The following SUN5 variants were observed in gnomAD, a reference collection of about 807,000 sequenced individuals.
SUN5 encodes SUN domain-containing protein 5.
In SUN5, 44 loss-of-function variants were observed where a neutral mutation model predicts 53.7. That is an observed-to-expected ratio of 0.82 (90% CI 0.64 to 1.05). The LOEUF (loss-of-function observed/expected upper bound fraction) is 1.05. Ranked by LOEUF, SUN5 falls within the 50% of genes least tolerant of loss-of-function variation. The probability of loss-of-function intolerance (pLI) is 0.00; values close to 1 mark genes in which losing one functional copy is unlikely to be tolerated. For missense variants in SUN5, 433 were observed against 483.8 expected, an observed-to-expected ratio of 0.90 and a Z score of 0.98; for synonymous variants, 166 against 179.8, an observed-to-expected ratio of 0.92 and a Z score of 0.62.
intron 8 of SUN5, among the ~76,000 whole-genome samples, chr20:32,992,302 T>TCTCCCCTC (rs1989730404): frequency 6.6e-6 from 1 of 152,208 alleles, no homozygotes; most frequent in Admixed American, 6.5e-5. Flanking sequence ...GAACCACTGA[T>TCTCCCCTC]TTAGCAGAAA....
At chr20:33,003,963 A>C (rs1233406720) in intron 1 of SUN5, among the ~76,000 whole-genome samples, 1 of 152,252 alleles carries the variant, frequency 6.6e-6, no homozygotes, top group Non-Finnish European at 1.5e-5. Flanking sequence ...AGTCTCCTGC[A>C]CTAGACCGTG....
chr20:32,999,479 G>A (rs1989941860), intron 5 of SUN5, among the ~76,000 whole-genome samples: 1 of 152,094 alleles, frequency 6.6e-6, no homozygotes, highest in South Asian at 2.1e-4. Flanking sequence ...TGTAGTCCCA[G>A]CTACTCGGGA....
intron 5 of SUN5, among the ~76,000 whole-genome samples, chr20:32,998,897 T>C (rs1406137583): frequency 6.7e-6 from 1 of 148,508 alleles, no homozygotes; most frequent in Non-Finnish European, 1.5e-5. Flanking sequence ...TAGCTGGGGG[T>C]GATGGTGCAC....
chr20:33,001,738 G>A (rs1409986549), intron 3 of SUN5, among the ~76,000 whole-genome samples: 2 of 129,564 alleles, frequency 1.5e-5, no homozygotes, highest in African/African-American at 3.0e-5. Context: ...GCATGACCTC[G>A]GCTCACTGCA....
At chr20:33,003,763 A>C (rs1990115740) in intron 1 of SUN5, among the ~76,000 whole-genome samples, 1 of 152,166 alleles carries the variant, frequency 6.6e-6, no homozygotes, top group Admixed American at 6.5e-5. Context: ...AGAGGATGAA[A>C]GACATACATT....
At chr20:32,991,135 G>A (rs1989701083) in intron 8 of SUN5, among the ~76,000 whole-genome samples, 1 of 152,102 alleles carries the variant, frequency 6.6e-6, no homozygotes, top group African/African-American at 2.4e-5. Context: ...TTTCCCTGAT[G>A]GCCCCCACCC....
In SUN5 at chr20:32,996,374, G is replaced by A. The variant is rs753392058; in HGVS notation, c.391-16C>T. The A allele has an allele frequency of 6.2e-7, 1 of 1,611,226 alleles. No individual in the cohort carries two copies. The highest frequency in any genetic ancestry group is 8.5e-7 in the Non-Finnish European group (1 of 1,178,076). On this transcript the variant is annotated splice_polypyrimidine_tract_variant and intron_variant, in intron 6 of 12. Coordinates refer to ENST00000356173, the MANE Select transcript of SUN5 (RefSeq NM_080675.4). ...TGCTGTCATCCTGGTGGAGTATTGA[G>A]AAAGTAAGGGGTCTCCTTCAGATGG...
At position 32,997,622 on chromosome 20, in the gene SUN5, G is replaced by A; in HGVS notation, c.390+16C>T. The A allele has an allele frequency of 1.2e-6, 2 of 1,613,910 alleles. No individual in the cohort carries two copies. Among genetic ancestry groups the A allele is most frequent in the Middle Eastern group, 1.6e-4 (1 of 6,062 alleles). ...AGACCTGTCAGCTGTGGGGCCTGAGGAGGGTGCACACTCACCTGCCAGACT... is the reference window on the plus strand; with the variant it reads ...AGACCTGTCAGCTGTGGGGCCTGAGAAGGGTGCACACTCACCTGCCAGACT... On this transcript the variant is annotated intron_variant, in intron 6 of 12. Coordinates refer to ENST00000356173, the MANE Select transcript of SUN5 (RefSeq NM_080675.4).
intron 7 of SUN5, among the ~76,000 whole-genome samples, 171 bp from the exon 8 acceptor site, chr20:32,995,898 A>G (rs1304385635): frequency 6.6e-6 from 1 of 152,042 alleles, no homozygotes; most frequent in Non-Finnish European, 1.5e-5. Flanking sequence ...AACATTACTC[A>G]TTCTCTTCTT....
At chr20:33,003,506 G>T (rs138304697) in intron 1 of SUN5, among the ~76,000 whole-genome samples, 1 of 152,194 alleles carries the variant, frequency 6.6e-6, no homozygotes, top group Non-Finnish European at 1.5e-5. Flanking sequence ...CTGGGTCTTG[G>T]GTGGCAGAAC....
At chr20:32,989,580 C>T (rs1989652075) in intron 9 of SUN5, 40 bp downstream of exon 9, 1 of 1,582,062 alleles carries the variant, frequency 6.3e-7, no homozygotes, top group Non-Finnish European at 8.7e-7. Context: ...CTTCCCAGGA[C>T]ACTTGAGGCA....
chr20:32,998,470 C>T lies in SUN5; in HGVS notation c.341-783G>A, dbSNP rs372023672. Among the ~76,000 whole-genome samples the T allele has an allele frequency of 3.9e-5, 6 of 152,032 alleles. No individual in the cohort carries two copies. In the East Asian group the frequency reaches 9.6e-4, roughly 24 times the overall value. ...GTGACAGAGACTCTGTCTCAAAAAACCCCAAAAACCAAAAAACAAAAACAG... is the reference window on the plus strand; with the variant it reads ...GTGACAGAGACTCTGTCTCAAAAAATCCCAAAAACCAAAAAACAAAAACAG... On this transcript the variant is annotated intron_variant, in intron 5 of 12. Transcript: ENST00000356173.
chr20:32,999,710 C>G (rs1255355907), intron 5 of SUN5: 17 of 547,178 alleles, frequency 3.1e-5, no homozygotes, highest in Non-Finnish European at 5.4e-5. Flanking sequence ...CTACCCCACC[C>G]CCAGCCTCCA....
intron 8 of SUN5, 78 bp from the exon 9 acceptor site, chr20:32,989,776 CAG>C (rs141745544): frequency 0.38 from 464,740 of 1,236,584 alleles, 92,048 homozygotes; most frequent in East Asian, 0.78. Flanking sequence ...CGGGAGGTAA[CAG>C]GGGGCTGCAG....
intron 8 of SUN5, among the ~76,000 whole-genome samples, chr20:32,992,828 C>T (rs1429511224): frequency 6.6e-6 from 1 of 152,146 alleles, no homozygotes; most frequent in East Asian, 1.9e-4. Context: ...TTATTAACAA[C>T]CAGAAATGCA....
rs370455357 is a variant in SUN5 at position 32,985,212 on chromosome 20, C to T, written c.898-27G>A. The T allele has an allele frequency of 3.9e-5, 63 of 1,609,502 alleles. No individual in the cohort carries two copies. The African/African-American group carries it at 4.5e-4, about 12-fold the overall frequency. The stretch of plus-strand genomic sequence containing the variant: ...TGTGGAACCAGAACCAAGGTGAAGG[C>T]GTCAGATACAAGCAGGGCCCTCAGA... On this transcript the variant is annotated intron_variant, in intron 11 of 12. Transcript: ENST00000356173.
In SUN5 at chr20:33,001,252, G is replaced by C. The variant is rs1490786439; in HGVS notation, c.238C>G (p.Leu80Val). 3 of 1,578,278 alleles carry C rather than the reference G, an allele frequency of 1.9e-6. No homozygotes were observed. The highest frequency in any genetic ancestry group is 2.6e-6 in the Non-Finnish European group (3 of 1,159,528). Residue 80 changes from leucine to valine, a missense_variant, in exon 4 of 13, where the codon CTG becomes GTG. Transcript: ENST00000356173. The part of the protein sequence containing the change: ...VSWFTCFACS[L>V]RTQAQQVLFN... ...AGAACCTGCTGGGCCTGAGTTCTCA[G>C]GGAGCAGGCAAAACAGGTGAACCAG...
chr20:33,002,507 C>T (rs1990076050), intron 3 of SUN5, 80 bp downstream of exon 3: 3 of 1,457,620 alleles, frequency 2.1e-6, no homozygotes, highest in South Asian at 2.3e-5. Context: ...ATTGCCACCC[C>T]CAGGTCAGCC....
At chr20:32,996,447 A>G in intron 6 of SUN5, 89 bp from the exon 7 acceptor site, 9 of 1,204,920 alleles carry the variant, frequency 7.5e-6, no homozygotes, top group Non-Finnish European at 1.1e-5. Flanking sequence ...TCCCACAATT[A>G]TAAACCCATA....
Sources: allele counts gnomAD v4.1 joint callset (sites outside exome capture counted in the v4.1 genomes callset), GRCh38; gene constraint gnomAD v4.1.1; transcripts MANE v1.5; gene names NCBI Gene and HGNC (gene_info 2026-07-23, HGNC 2026-07-21).